The following RARB variants were observed in gnomAD, a reference collection of about 807,000 sequenced individuals.
The protein encoded by RARB is HBV-activated protein.
In RARB, 17 loss-of-function variants were observed where a neutral mutation model predicts 51.9. The observed-to-expected ratio is 0.33, with a 90% CI of 0.22 to 0.49. RARB has a LOEUF of 0.49. Ranked by LOEUF, RARB falls within the 20% of genes least tolerant of loss-of-function variation. The pLI is 0.99. For missense variants in RARB, 369 were observed against 550.8 expected (o/e 0.67, Z 3.30); for synonymous variants, 215 against 195.4 (o/e 1.10, Z -0.84).
intron 2 of RARB, among the ~76,000 whole-genome samples, chr3:25,052,202 G>A (rs1437527107): frequency 1.3e-5 from 2 of 152,184 alleles, no homozygotes; most frequent in East Asian, 3.9e-4. Context: ...AAGAGCACAA[G>A]AATATTTGCT....
At position 25,271,596 on chromosome 3, in the gene RARB, C is replaced by T. The variant is rs113912496; in HGVS notation, c.178+97021C>T. Among the ~76,000 whole-genome samples, 655 of 152,260 alleles carry T rather than the reference C, an allele frequency of 4.3e-3. 3 individuals are homozygous for T. Among genetic ancestry groups the T allele is most frequent in the African/African-American group, 0.015 (622 of 41,544 alleles). The stretch of plus-strand genomic sequence containing the variant: ...TGGTCATTAGATGAAATGGTAGTTC[C>T]GTCTTTCCTGCAACATAACTCTTGG... On this transcript the variant is annotated intron_variant, in intron 5 of 11. Coordinates refer to the RARB transcript ENST00000383772.
chr3:25,307,438 G>C (rs1704180470), intron 5 of RARB, among the ~76,000 whole-genome samples: 1 of 151,796 alleles, frequency 6.6e-6, no homozygotes, highest in African/African-American at 2.4e-5. Flanking sequence ...GCATAGTCTT[G>C]ATGTGATTGC....
chr3:24,878,475 G>T (rs1703092960), intron 2 of RARB, among the ~76,000 whole-genome samples: 1 of 152,078 alleles, frequency 6.6e-6, no homozygotes, highest in Non-Finnish European at 1.5e-5. Context: ...CAAAAGAGCT[G>T]ACTGGAGGCT....
rs151285419 is a variant in RARB, at chr3:24,870,290, T to G, written c.-380+11538T>G. Among the ~76,000 whole-genome samples the G allele has an allele frequency of 3.3e-5, 5 of 152,230 alleles. No individual in the cohort carries two copies. In the South Asian group the frequency reaches 1.0e-3, roughly 32 times the overall value. On this transcript the variant is annotated intron_variant, in intron 2 of 11. Coordinates refer to the RARB transcript ENST00000383772. The stretch of plus-strand genomic sequence containing the variant: ...TTCCTATGAACATCTTTAAATCTTG[T>G]CTTTCACATAATTCATTTGGAATTG...
chr3:25,341,823 G>C (rs530283323), intron 5 of RARB, among the ~76,000 whole-genome samples: 3 of 152,176 alleles, frequency 2.0e-5, no homozygotes, highest in Non-Finnish European at 4.4e-5. Flanking sequence ...TGCTGAGGCA[G>C]AGAGGCCCTG....
At position 24,983,108 on chromosome 3, in the gene RARB, TC is replaced by T. The variant is rs1341961430; in HGVS notation, c.-379-77015del. On this transcript the variant is annotated intron_variant, in intron 2 of 11. Coordinates refer to the RARB transcript ENST00000383772. Reference sequence around the variant, plus strand: ...TGCATGTCACTGATAGTAGAGCCACTCCTGGTATTTGAGTTGCCAATAAAAC... The same window carrying T: ...TGCATGTCACTGATAGTAGAGCCACTCTGGTATTTGAGTTGCCAATAAAAC... Among the ~76,000 whole-genome samples, 5 of 152,188 alleles carry T rather than the reference TC, an allele frequency of 3.3e-5. No homozygotes were observed. In the East Asian group the frequency reaches 9.6e-4, roughly 29 times the overall value.
At chr3:25,190,967 C>T (rs1701089320) in intron 5 of RARB, among the ~76,000 whole-genome samples, 1 of 151,820 alleles carries the variant, frequency 6.6e-6, no homozygotes, top group Non-Finnish European at 1.5e-5. Flanking sequence ...TTGCATGGAT[C>T]TGTGTTGGGG....
intron 5 of RARB, among the ~76,000 whole-genome samples, chr3:25,354,042 C>G (rs934530071): frequency 1.3e-5 from 2 of 151,354 alleles, no homozygotes; most frequent in Admixed American, 6.6e-5. Flanking sequence ...CCAAACCCCC[C>G]ACCCCCACCA....
intron 3 of RARB, among the ~76,000 whole-genome samples, chr3:25,081,041 G>A (rs1442191253): frequency 6.6e-6 from 1 of 151,948 alleles, no homozygotes; most frequent in African/African-American, 2.4e-5. Flanking sequence ...CATACTGTGG[G>A]TTTAATTTGC....
intron 2 of RARB, among the ~76,000 whole-genome samples, chr3:24,961,975 G>T (rs553062942): frequency 8.3e-6 from 1 of 121,070 alleles, no homozygotes; most frequent in East Asian, 2.6e-4. Context: ...TGTCGCCCAG[G>T]CTAGAGTGCA....
intron 5 of RARB, among the ~76,000 whole-genome samples, chr3:25,238,345 T>C (rs2125394461): frequency 6.6e-6 from 1 of 152,352 alleles, no homozygotes. Context: ...TATTGTTTTG[T>C]ATGGCCAAAT....
rs531830333 is a variant in RARB, at chr3:25,351,079, G to A, written c.179-110114G>A. Among the ~76,000 whole-genome samples, 34 of 152,224 alleles carry A rather than the reference G, an allele frequency of 2.2e-4. No homozygotes were observed. The South Asian group carries it at 2.9e-3, about 13-fold the overall frequency. Reference sequence around the variant, plus strand: ...CTTAGTTTTAAGGAATAAGCATCTGGTGCAGCGCTATATTATTTCCAATTA... The same window carrying A: ...CTTAGTTTTAAGGAATAAGCATCTGATGCAGCGCTATATTATTTCCAATTA... On this transcript the variant is annotated intron_variant, in intron 5 of 11. Coordinates refer to the RARB transcript ENST00000383772.
At chr3:25,581,924 T>C (rs576547321) in intron 5 of RARB, among the ~76,000 whole-genome samples, 12 of 152,156 alleles carry the variant, frequency 7.9e-5, no homozygotes, top group Admixed American at 2.0e-4. Context: ...GGGCCAGGTC[T>C]CTGTTACAGT....
At chr3:25,190,952 T>C (rs1474133626) in intron 5 of RARB, among the ~76,000 whole-genome samples, 1 of 152,150 alleles carries the variant, frequency 6.6e-6, no homozygotes, top group African/African-American at 2.4e-5. Context: ...AGGCAACTGA[T>C]TGGTTTGCAT....
chr3:25,189,210 A>C (rs188515768), intron 5 of RARB, among the ~76,000 whole-genome samples: 14 of 152,288 alleles, frequency 9.2e-5, no homozygotes, highest in Non-Finnish European at 1.9e-4. Flanking sequence ...CAGTCAGCAA[A>C]AGCAGGTCCC....
chr3:25,086,945 C>T lies in RARB; in HGVS notation c.-328+26769C>T, dbSNP rs9832995. ...GGTGCCAGACTCCTTACTTAATTCT[C>T]TCCTGGATAAGGAAAAAGATCTGGA... is the stretch of plus-strand genomic sequence containing the variant. On this transcript the variant is annotated intron_variant, in intron 3 of 11. Coordinates refer to the RARB transcript ENST00000383772. 5.1e-3 allele frequency among the ~76,000 whole-genome samples: 771 copies of T among 152,230 alleles called. 9 individuals are homozygous for T. Among genetic ancestry groups the T allele is most frequent in the African/African-American group, 0.018 (747 of 41,536 alleles).
intron 3 of RARB, among the ~76,000 whole-genome samples, chr3:25,065,175 A>T (rs573974716): frequency 6.6e-6 from 1 of 151,284 alleles, no homozygotes; most frequent in South Asian, 2.1e-4. Flanking sequence ...TGAGATTTTT[A>T]AAAAATTGTT....
chr3:24,994,164 TTTG>T (rs1161124474), intron 2 of RARB, among the ~76,000 whole-genome samples: 4 of 152,132 alleles, frequency 2.6e-5, no homozygotes, highest in African/African-American at 9.6e-5. Context: ...CTCACCAGCA[TTTG>T]TTATTTTTTG....
intron 1 of RARB, among the ~76,000 whole-genome samples, chr3:25,445,253 C>T (rs1361430626): frequency 6.6e-6 from 1 of 152,104 alleles, no homozygotes; most frequent in Non-Finnish European, 1.5e-5. Flanking sequence ...CCCAGCCAAA[C>T]ACCTCCTTTT....
Sources: allele counts gnomAD v4.1 joint callset (sites outside exome capture counted in the v4.1 genomes callset), GRCh38; gene constraint gnomAD v4.1.1; transcripts MANE v1.5; gene names NCBI Gene and HGNC (gene_info 2026-07-23, HGNC 2026-07-21).